IL9R: variants seen among roughly 807,000 people sequenced by gnomAD.
The protein encoded by IL9R is interleukin 9 receptor.
IL9R carries 54 observed loss-of-function variants against 56.3 expected under a neutral mutation model. The observed-to-expected ratio is 0.96, with a 90% confidence interval of 0.77 to 1.20. The LOEUF (loss-of-function observed/expected upper bound fraction) is 1.20. Among genes scored for constraint, IL9R ranks in the 50% most tolerant of loss-of-function variants. The pLI, the probability that IL9R is intolerant of heterozygous loss-of-function variation, is 0.00. For missense variants in IL9R, 545 were observed against 629.8 expected (o/e 0.87, Z 1.44); for synonymous variants, 212 against 250.2 (o/e 0.85, Z 1.44).
At chrX:156,004,900 C>T (rs962202120) in intron 5 of IL9R, among the ~76,000 whole-genome samples, 3 of 151,964 alleles carry the variant, frequency 2.0e-5, no homozygotes, top group African/African-American at 7.3e-5. Flanking sequence ...ATGTGTGTGC[C>T]TGTGCCTTGC....
intron 7 of IL9R, among the ~76,000 whole-genome samples, chrX:156,007,026 C>T (rs1282184967): frequency 6.6e-6 from 1 of 151,760 alleles, no homozygotes; most frequent in African/African-American, 2.4e-5. Flanking sequence ...GAGTGGTGAC[C>T]CCTGAGGTGG....
rs1241277168 is a variant in IL9R at position 156,005,292 on chromosome X, G to A, written c.594G>A (p.Arg198=). 2.5e-6 allele frequency: 4 copies of A among 1,611,904 alleles called. No individual in the cohort carries two copies. The highest frequency in any genetic ancestry group is 3.4e-6 in the Non-Finnish European group (4 of 1,179,840). ...QEEAWEQAQH[R]DHIVGVTWLI... Reference sequence around the variant, plus strand: ...CACCCCCACAGCAGGCCCAGCACAGGGATCACATTGTCGGGGTGACCTGGC... The same window carrying A: ...CACCCCCACAGCAGGCCCAGCACAGAGATCACATTGTCGGGGTGACCTGGC... The change falls in exon 6 of 9, where the codon AGG becomes AGA. Residue 198 remains arginine (R), a synonymous_variant. Transcript: ENST00000244174.
intron 1 of IL9R, among the ~76,000 whole-genome samples, chrX:155,999,414 C>G (rs2067359584): frequency 2.0e-5 from 3 of 152,234 alleles, no homozygotes; most frequent in South Asian, 4.1e-4. Context: ...TTGGTGCCAT[C>G]TCTCTCCCAC....
intron 7 of IL9R, among the ~76,000 whole-genome samples, chrX:156,007,238 T>C (rs959593632): frequency 7.2e-6 from 1 of 138,264 alleles, no homozygotes; most frequent in Non-Finnish European, 1.5e-5. Flanking sequence ...GCTCCCTCTG[T>C]GATCTGAGGA....
Position 156,003,872 on chromosome X carries a change from G to C in IL9R, c.433+17G>C. On this transcript the variant is annotated intron_variant, in intron 4 of 8. Coordinates refer to ENST00000244174, the MANE Select transcript of IL9R (RefSeq NM_002186.3). ...GGAGACACGGTGAGCAGCAGCTATA[G>C]GTCTGGGGCGGGGCCGCTTGGCAAG... The C allele has an allele frequency of 6.2e-7, 1 of 1,613,376 alleles. No individual in the cohort carries two copies. Among genetic ancestry groups the C allele is most frequent in the Non-Finnish European group, 8.5e-7 (1 of 1,179,580 alleles).
rs199705686 is a variant in IL9R, at chrX:156,003,019, G to C, written c.142G>C (p.Gly48Arg). 2 of 1,613,812 alleles carry C rather than the reference G, an allele frequency of 1.2e-6. No individual in the cohort carries two copies. The highest frequency in any genetic ancestry group is 4.5e-5 in the East Asian group (2 of 44,858). Residue 48 changes from glycine (G) to arginine (R), a missense_variant and splice_region_variant, in exon 2 of 9, where the codon GGG becomes CGG. Transcript: ENST00000244174. ...AGTCTCTGTCACAGGGGAAGGACAA[G>C]GTGAGGGCTGGGCACTAATGTCTGT... ...LGVSVTGEGQGPRSRTFTCLT... is the reference protein window; with the variant it reads ...LGVSVTGEGQRPRSRTFTCLT...
At chrX:156,006,401 G>A (rs772459714) in intron 7 of IL9R, among the ~76,000 whole-genome samples, 2 of 146,484 alleles carry the variant, frequency 1.4e-5, no homozygotes, top group African/African-American at 5.0e-5. Context: ...TCCAGAAGAG[G>A]GTTCTCAAGT....
chrX:156,006,925 G>A (rs2124536495), intron 7 of IL9R, among the ~76,000 whole-genome samples: 1 of 151,174 alleles, frequency 6.6e-6, no homozygotes, highest in Non-Finnish European at 1.5e-5. Context: ...TTTGGCATGA[G>A]CCAGTGAAAG....
At position 156,004,558 on chromosome X, in the gene IL9R, C is replaced by T. The variant is rs764570508; in HGVS notation, c.572C>T (p.Ala191Val). ...CTGGCCTTCAAGAAGCAGGAAGAGG[C>T]CTGGGAGGTAACACTTTGGCTGGCT... ...YELAFKKQEEAWEQAQHRDHI... is the reference protein window; with the variant it reads ...YELAFKKQEEVWEQAQHRDHI... Residue 191 changes from alanine (A) to valine (V), a missense_variant, in exon 5 of 9, where the codon GCC (alanine) becomes GTC (valine). This residue lies in a region of IL9R where 431 missense variants were observed against 360.0 expected (regional missense o/e 1.20). Coordinates refer to ENST00000244174, the MANE Select transcript of IL9R (RefSeq NM_002186.3). 8 of 1,612,466 alleles carry T rather than the reference C, an allele frequency of 5.0e-6. No individual in the cohort carries two copies. The highest frequency in any genetic ancestry group is 2.5e-6 in the Non-Finnish European group (3 of 1,179,844).
chrX:155,998,856 G>A (rs1238792476), intron 1 of IL9R, among the ~76,000 whole-genome samples: 3 of 152,156 alleles, frequency 2.0e-5, no homozygotes, highest in Non-Finnish European at 4.4e-5. Context: ...GGGGCAGCAA[G>A]GCTGTGGGAG....
At chrX:155,998,810 T>C (rs1436949222) in intron 1 of IL9R, among the ~76,000 whole-genome samples, 2 of 151,884 alleles carry the variant, frequency 1.3e-5, no homozygotes, top group Non-Finnish European at 2.9e-5. Flanking sequence ...GAGCCTCATG[T>C]AGGGACAACG....
chrX:156,002,970 C>A lies in IL9R; in HGVS notation c.93C>A (p.Cys31Ter), dbSNP rs1275990546. The stretch of plus-strand genomic sequence containing the variant: ...GCACCTGGCTCCTGGCCTGCATCTG[C>A]ATCTGCACCTGTGTCTGCTTGGGAG... ...DMGTWLLACI[C>*]ICTCVCLGVS... is the part of the protein sequence containing the mutation. The change falls in exon 2 of 9, where the codon TGC becomes TGA. Residue 31 changes from cysteine (C) to a stop codon, truncating the protein, a stop_gained. Coordinates refer to ENST00000244174, the MANE Select transcript of IL9R (RefSeq NM_002186.3). LOFTEE classifies it high-confidence loss of function. 3 of 1,613,856 alleles carry A rather than the reference C, an allele frequency of 1.9e-6. No homozygotes were observed. The Admixed American group carries it at 5.0e-5, about 27-fold the overall frequency.
At chrX:156,004,696 T>C in intron 5 of IL9R, 131 bp downstream of exon 5, 1 of 876,412 alleles carries the variant, frequency 1.1e-6, no homozygotes, top group East Asian at 2.6e-5. Context: ...GGGGTGTGTG[T>C]GCACACACAC....
rs1478755223 is a variant in IL9R, at chrX:156,003,515, C to T, written c.209C>T (p.Ala70Val). Residue 70 changes from alanine to valine, a missense_variant, in exon 3 of 9, where the codon GCC (alanine) becomes GTC (valine). Ala to Val is a moderately conservative substitution (Grantham distance 64). This residue lies in a region of IL9R where 431 missense variants were observed against 360.0 expected (regional missense o/e 1.20). Coordinates refer to ENST00000244174, the MANE Select transcript of IL9R (RefSeq NM_002186.3). ...CTCAGGATCGATTGCCACTGGTCTG[C>T]CCCAGAGCTGGGACAGGGCTCCAGC... ...NILRIDCHWS[A>V]PELGQGSSPW... 4 of 1,612,536 alleles carry T rather than the reference C, an allele frequency of 2.5e-6. No homozygotes were observed. Among genetic ancestry groups the T allele is most frequent in the Admixed American group, 1.7e-5 (1 of 60,000 alleles).
chrX:156,006,427 G>C (rs753853766), intron 7 of IL9R, among the ~76,000 whole-genome samples: 1,420 of 141,486 alleles, frequency 0.01, 32 homozygotes, highest in African/African-American at 0.033. Context: ...GGGGAGAGCA[G>C]GGAAGGGGGG....
intron 8 of IL9R, among the ~76,000 whole-genome samples, chrX:156,009,404 T>C (rs2068330563): frequency 1.6e-5 from 2 of 125,550 alleles, no homozygotes; most frequent in East Asian, 2.0e-4. Context: ...TGTGTGTCTC[T>C]GTGTGTGTGT....
chrX:156,009,296 TTATG>T (rs1569479160), intron 8 of IL9R, among the ~76,000 whole-genome samples: 9 of 109,988 alleles, frequency 8.2e-5, no homozygotes, highest in African/African-American at 3.3e-4. Context: ...GTGTGTGTGT[TTATG>T]TGTGTGTGTC....
intron 6 of IL9R, among the ~76,000 whole-genome samples, 154 bp downstream of exon 6, chrX:156,005,633 T>A (rs1417466930): frequency 1.3e-5 from 2 of 152,044 alleles, no homozygotes; most frequent in East Asian, 3.9e-4. Context: ...AGGTCTGAGG[T>A]CTGTAGGGAG....
At chrX:156,008,159 C>A (rs1165158793) in intron 8 of IL9R, 1 of 173,230 alleles carries the variant, frequency 5.8e-6, no homozygotes, top group Admixed American at 6.5e-5. Flanking sequence ...TGCATCAGCC[C>A]CTCCCCTCCC....
Sources: gnomAD v4.1 joint callset for allele counts (sites outside exome capture counted in the v4.1 genomes callset) on GRCh38, gnomAD v4.1.1 for gene constraint, gnomAD v4.1.1 regional missense constraint, MANE v1.5 for transcripts, NCBI Gene and HGNC (gene_info 2026-07-23, HGNC 2026-07-21) for gene names.